Variants in CABLES2 observed in about 807,000 individuals in gnomAD.
CABLES2 encodes CDK5 and ABL1 enzyme substrate 2.
CABLES2 carries 35 observed loss-of-function variants against 44.8 expected under a neutral mutation model. The ratio of observed to expected loss-of-function variants is 0.78; its 90% CI spans 0.60 to 1.04. The LOEUF (loss-of-function observed/expected upper bound fraction) is 1.04. CABLES2 is among the 50% of genes least tolerant of loss of function. The pLI, the probability that CABLES2 is intolerant of heterozygous loss-of-function variation, is 0.00. For missense variants in CABLES2, 566 were observed against 615.7 expected (o/e 0.92, Z 0.85); for synonymous variants, 282 against 281.1 (o/e 1.00, Z -0.03).
chr20:62,394,979 G>A lies in CABLES2; in HGVS notation c.563C>T (p.Ala188Val), dbSNP rs757461175. ...VLICAKRSLCAAFSVLPYGEG... is the reference protein window; with the variant it reads ...VLICAKRSLCVAFSVLPYGEG... ...CCCATAGGGCAGGACCGAGAAGGCC[G>A]CGCACAGGGACCGCTTGGCACAGAT... Residue 188 changes from alanine to valine, a missense_variant, in exon 4 of 10, where the codon GCG (alanine) becomes GTG (valine). Transcript: ENST00000279101. The A allele has an allele frequency of 1.3e-5, 21 of 1,612,956 alleles. No individual in the cohort carries two copies. Among genetic ancestry groups the A allele is most frequent in the Admixed American group, 1.7e-5 (1 of 60,008 alleles).
chr20:62,396,204 G>C lies in CABLES2; in HGVS notation c.527+111C>G. The C allele has an allele frequency of 4.6e-6, 4 of 875,600 alleles. No individual in the cohort carries two copies. The South Asian group carries it at 5.6e-5, about 12-fold the overall frequency. 54.2% of individuals were successfully genotyped at this position (875,600 alleles called of 1,614,324 possible). ...CCACCTCTAGAGGTGTGGAGTGTGG[G>C]GTGGGCGGGAGCTTTGGGAGTGGAG... On this transcript the variant is annotated intron_variant, in intron 3 of 9. Transcript: ENST00000279101. The surrounding 1 kb of genome is among the most constrained non-coding windows in gnomAD (Gnocchi z 5.7).
intron 1 of CABLES2, among the ~76,000 whole-genome samples, chr20:62,398,331 CGAT>C (rs1408743250): frequency 2.4e-5 from 3 of 126,106 alleles, no homozygotes; most frequent in African/African-American, 6.1e-5. Flanking sequence ...GTGGTGGTGA[CGAT>C]GGTGGTGATG....
chr20:62,405,526 T>G (rs554740424), intron 1 of CABLES2: 1 of 152,418 alleles, frequency 6.6e-6, no homozygotes, highest in East Asian at 1.9e-4. Context: ...CCAGGAACAC[T>G]TCCAAGGATG....
In CABLES2 at chr20:62,391,566, C is replaced by T; in HGVS notation, c.1092-113G>A. 1 of 1,046,954 alleles carries T rather than the reference C, an allele frequency of 9.6e-7. No individual in the cohort carries two copies. The highest frequency in any genetic ancestry group is 1.5e-6 in the Non-Finnish European group (1 of 686,524). 64.9% of individuals were successfully genotyped at this position (1,046,954 alleles called of 1,614,324 possible). ...CGATGTAGCTTTGGGCCGCAAGAAA[C>T]ACCACCGCATCCTTCAGGGGATGGT... On this transcript the variant is annotated intron_variant, in intron 8 of 9. Transcript: ENST00000279101. The surrounding 1 kb of genome is among the most constrained non-coding windows in gnomAD (Gnocchi z 5.7).
At chr20:62,398,109 G>GTGATGGTGGTGGTGGTGGTGGTGA (rs1255799771) in intron 1 of CABLES2, among the ~76,000 whole-genome samples, 1 of 104,842 alleles carries the variant, frequency 9.5e-6, no homozygotes, top group Admixed American at 1.0e-4. Context: ...GGTGGTGATG[G>GTGATGGTGGTGGTGGTGGTGGTGA]TGGTGGTGGT....
chr20:62,388,802 G>A lies in CABLES2; in HGVS notation c.*2169C>T, dbSNP rs1249614466. The A allele has an allele frequency of 2.0e-5, 8 of 390,738 alleles. No individual in the cohort carries two copies. Among genetic ancestry groups the A allele is most frequent in the Middle Eastern group, 7.4e-4 (1 of 1,350 alleles). The allele number at this position is 390,738 out of a possible 1,614,324, so 24.2% of individuals were successfully genotyped here. On this transcript the variant is annotated 3_prime_UTR_variant, in exon 10 of 10. Coordinates refer to ENST00000279101, the MANE Select transcript of CABLES2 (RefSeq NM_031215.3). ...GGCCTGGTTCTGTATAGTCACAGCC[G>A]AGCTGAACACCTTAGCTCCGACACC...
intron 6 of CABLES2, 122 bp downstream of exon 6, chr20:62,393,318 G>T: frequency 1.8e-6 from 2 of 1,089,450 alleles, no homozygotes; most frequent in Non-Finnish European, 2.7e-6. Flanking sequence ...TGTTCCCCAG[G>T]CTCCATCTGC....
Position 62,396,501 on chromosome 20 carries a change from G to T in CABLES2, c.434+20C>A, listed in dbSNP as rs781008565. 6.2e-7 allele frequency: 1 copy of T among 1,613,776 alleles called. No homozygotes were observed. The highest frequency in any genetic ancestry group is 8.5e-7 in the Non-Finnish European group (1 of 1,179,942). ...AGCCCGAGCGGAGTCGTAGAGCTCG[G>T]GGCGGACGGGGGCGTGTACCTCTGT... On this transcript the variant is annotated intron_variant, in intron 2 of 9. Transcript: ENST00000279101. The surrounding 1 kb of genome is among the most constrained non-coding windows in gnomAD (Gnocchi z 5.7).
chr20:62,391,601 C>T lies in CABLES2; in HGVS notation c.1092-148G>A, dbSNP rs879682336. ...TCCTTCAGGGGATGGTACCCTCCGC[C>T]GTACCATGTATAACGCCCAGGGCAG... is the stretch of plus-strand genomic sequence containing the variant. On this transcript the variant is annotated intron_variant, in intron 8 of 9. Coordinates refer to ENST00000279101, the MANE Select transcript of CABLES2 (RefSeq NM_031215.3). This position sits in a 1 kb window ranked among gnomAD's most constrained non-coding sequence, Gnocchi z 5.7. 6 of 817,210 alleles carry T rather than the reference C, an allele frequency of 7.3e-6. No homozygotes were observed. Among genetic ancestry groups the T allele is most frequent in the Non-Finnish European group, 7.9e-6 (4 of 505,918 alleles). The allele number at this position is 817,210 out of a possible 1,614,324, so 50.6% of individuals were successfully genotyped here. A position where few individuals can be genotyped will look rare whatever the true frequency, so the allele number is the denominator to read the frequency against.
Position 62,391,414 on chromosome 20 carries a change from G to C in CABLES2, c.1131C>G (p.Ser377Arg). 6.2e-7 allele frequency: 1 copy of C among 1,613,332 alleles called. No individual in the cohort carries two copies. The highest frequency in any genetic ancestry group is 8.5e-7 in the Non-Finnish European group (1 of 1,180,020). The change falls in exon 9 of 10, where the codon AGC becomes AGG. Residue 377 changes from serine to arginine, a missense_variant. Ser to Arg is a moderately radical substitution (Grantham distance 110). Transcript: ENST00000279101. The surrounding 1 kb of genome is among the most constrained non-coding windows in gnomAD (Gnocchi z 5.7). ...CCATGGCCACCGTCACGGGCTCCAG[G>C]CTGCACTCCTCCGACAGGCTCCGCA... is the stretch of plus-strand genomic sequence containing the variant. Reference protein sequence around the residue: ...REMRSLSEECSLEPVTVAMAY... With the variant: ...REMRSLSEECRLEPVTVAMAY...
At chr20:62,394,126 G>A (rs200145600) in intron 5 of CABLES2, 31 bp downstream of exon 5, 59 of 1,574,916 alleles carry the variant, frequency 3.7e-5, no homozygotes, top group Middle Eastern at 3.3e-4. Context: ...CCCTGACGGC[G>A]CTGGGTGTCC....
Position 62,397,989 on chromosome 20 carries a change from G to GTGGTGATGATGGTGA in CABLES2, c.363-1412_363-1398dup, listed in dbSNP as rs1988065812. Among the ~76,000 whole-genome samples the GTGGTGATGATGGTGA allele has an allele frequency of 3.4e-5, 2 of 58,214 alleles. 1 individual carries two copies. The highest frequency in any genetic ancestry group is 8.9e-5 in the Non-Finnish European group (2 of 22,544). The allele number at this position is 58,214 out of a possible 152,430, so 38.2% of individuals were successfully genotyped here. A position where few individuals can be genotyped will look rare whatever the true frequency, so the allele number is the denominator to read the frequency against. ...GGTGGTGACAGTGGTGATGGCGGTG[G>GTGGTGATGATGGTGA]TGGTGATGATGGTGATGGTTATGGC... On this transcript the variant is annotated intron_variant, in intron 1 of 9. Transcript: ENST00000279101.
At chr20:62,395,209 G>C (rs996160141) in intron 3 of CABLES2, among the ~76,000 whole-genome samples, 195 bp from the exon 4 acceptor site, 6 of 152,274 alleles carry the variant, frequency 3.9e-5, no homozygotes, top group Non-Finnish European at 7.3e-5. Context: ...GCCCCCGCAA[G>C]CTCTCAGAGT....
At chr20:62,393,737 A>C in intron 5 of CABLES2, 132 bp from the exon 6 acceptor site, 10 of 971,074 alleles carry the variant, frequency 1.0e-5, no homozygotes, top group Non-Finnish European at 1.5e-5. Flanking sequence ...AACTCAGATC[A>C]AGCCGTTGAG....
intron 1 of CABLES2, among the ~76,000 whole-genome samples, chr20:62,398,092 T>TGGTGGTGGA (rs1988087513): frequency 7.7e-6 from 1 of 130,416 alleles, no homozygotes; most frequent in East Asian, 2.5e-4. Context: ...GTGGTGACGG[T>TGGTGGTGGA]GGTGGTGGTG....
At position 62,396,229 on chromosome 20, in the gene CABLES2, G is replaced by A; in HGVS notation, c.527+86C>T. Reference sequence around the variant, plus strand: ...GGTGGGCGGGAGCTTTGGGAGTGGAGGGAAGATTGCTTGGCTGACAGGGGC... The same window carrying A: ...GGTGGGCGGGAGCTTTGGGAGTGGAAGGAAGATTGCTTGGCTGACAGGGGC... On this transcript the variant is annotated intron_variant, in intron 3 of 9. Coordinates refer to ENST00000279101, the MANE Select transcript of CABLES2 (RefSeq NM_031215.3). The surrounding 1 kb of genome is among the most constrained non-coding windows in gnomAD (Gnocchi z 5.7). 5.2e-6 allele frequency: 6 copies of A among 1,153,934 alleles called. No individual in the cohort carries two copies. Among genetic ancestry groups the A allele is most frequent in the South Asian group, 1.2e-5 (1 of 81,344 alleles). The allele number at this position is 1,153,934 out of a possible 1,614,324, so 71.5% of individuals were successfully genotyped here.
At position 62,390,979 on chromosome 20, in the gene CABLES2, G is replaced by C; in HGVS notation, c.1429C>G (p.Gln477Glu). ...VLPHYRRLTQ[Q>E]F The stretch of plus-strand genomic sequence containing the variant: ...CTTCTGTGGGGCCTCTGCTAGAACT[G>C]CTGGGTGAGGCGCCTGTAATGAGGT... The change falls in exon 10 of 10, where the codon CAG becomes GAG. Residue 477 changes from glutamine (Q) to glutamate (E), a missense_variant. Coordinates refer to ENST00000279101, the MANE Select transcript of CABLES2 (RefSeq NM_031215.3). The C allele has an allele frequency of 6.2e-7, 1 of 1,614,106 alleles. No homozygotes were observed. Among genetic ancestry groups the C allele is most frequent in the East Asian group, 2.2e-5 (1 of 44,880 alleles).
At position 62,396,305 on chromosome 20, in the gene CABLES2, C is replaced by T. The variant is rs76809898; in HGVS notation, c.527+10G>A. The T allele has an allele frequency of 4.7e-3, 7,586 of 1,612,352 alleles. 117 individuals carry two copies. The African/African-American group carries it at 0.052, about 11-fold the overall frequency. On this transcript the variant is annotated intron_variant, in intron 3 of 9. Coordinates refer to ENST00000279101, the MANE Select transcript of CABLES2 (RefSeq NM_031215.3). The surrounding 1 kb of genome is among the most constrained non-coding windows in gnomAD (Gnocchi z 5.7). ...ACAGCCCTGGCCCGGTTCCCGGCTC[C>T]GCTTCATACCTGCTGTTCCTGGTGT...
Position 62,396,255 on chromosome 20 carries a change from A to G in CABLES2, c.527+60T>C. 7.1e-7 allele frequency: 1 copy of G among 1,410,074 alleles called. No homozygotes were observed. Among genetic ancestry groups the G allele is most frequent in the South Asian group, 1.1e-5 (1 of 86,982 alleles). The allele number at this position is 1,410,074 out of a possible 1,614,324, so 87.3% of individuals were successfully genotyped here. A position where few individuals can be genotyped will look rare whatever the true frequency, so the allele number is the denominator to read the frequency against. On this transcript the variant is annotated intron_variant, in intron 3 of 9. Coordinates refer to ENST00000279101, the MANE Select transcript of CABLES2 (RefSeq NM_031215.3). The surrounding 1 kb of genome is among the most constrained non-coding windows in gnomAD (Gnocchi z 5.7). ...GGAAGATTGCTTGGCTGACAGGGGC[A>G]GGACCCCGTGGGCTTATGGAGACCA...
Sources: allele counts gnomAD v4.1 joint callset (sites outside exome capture counted in the v4.1 genomes callset), GRCh38; gene constraint gnomAD v4.1.1; non-coding constraint Gnocchi (gnomAD v3.1); transcripts MANE v1.5; gene names NCBI Gene and HGNC (gene_info 2026-07-23, HGNC 2026-07-21).